The following ASIC2 variants were observed in gnomAD, a reference collection of about 807,000 sequenced individuals.
ASIC2 encodes acid-sensing ion channel 2.
In ASIC2, 25 loss-of-function variants were observed where a neutral mutation model predicts 57.3. The observed-to-expected ratio is 0.44, with a 90% CI of 0.32 to 0.61. The LOEUF is 0.61. Among genes scored for constraint, ASIC2 ranks in the 20% least tolerant of loss-of-function variants. ASIC2 has a pLI of 0.06. For synonymous variants in ASIC2, 319 were observed against 307.5 expected, an observed-to-expected ratio of 1.04 and a Z score of -0.39; for missense variants, 641 against 738.1, an observed-to-expected ratio of 0.87 and a Z score of 1.52.
At chr17:33,953,868 A>G (rs1045523625) in intron 1 of ASIC2, among the ~76,000 whole-genome samples, 2 of 152,182 alleles carry the variant, frequency 1.3e-5, no homozygotes, top group African/African-American at 2.4e-5. Context: ...AATAGAAACT[A>G]TAGATTAAGA....
rs558452838 is a variant in ASIC2, at chr17:33,352,084, C to T, written c.556-240017G>A. ...GTCTTCATCTCTTTGCTTCCTACTC[C>T]CTGGGTTAGCACCTCCACTCCCACA... On this transcript the variant is annotated intron_variant, in intron 1 of 9. Transcript: ENST00000359872. Among the ~76,000 whole-genome samples, 41 of 152,186 alleles carry T rather than the reference C, an allele frequency of 2.7e-4. No homozygotes were observed. In the South Asian group the frequency reaches 2.7e-3, roughly 10 times the overall value.
chr17:33,595,639 T>A (rs1195329240), intron 1 of ASIC2, among the ~76,000 whole-genome samples: 1 of 152,246 alleles, frequency 6.6e-6, no homozygotes, highest in Non-Finnish European at 1.5e-5. Context: ...GTTTAAATCT[T>A]TATTTTATGA....
intron 1 of ASIC2, among the ~76,000 whole-genome samples, chr17:33,544,730 T>G (rs1252062181): frequency 6.6e-6 from 1 of 152,182 alleles, no homozygotes; most frequent in African/African-American, 2.4e-5. Flanking sequence ...TTTTGCATAC[T>G]TATTAAAATA....
intron 1 of ASIC2, among the ~76,000 whole-genome samples, chr17:33,865,150 G>A (rs1222869667): frequency 6.6e-6 from 1 of 152,200 alleles, no homozygotes; most frequent in Admixed American, 6.5e-5. Context: ...GACCTGGGGT[G>A]ATCCATTAGG....
At chr17:34,033,121 A>T (rs1180505733) in intron 1 of ASIC2, among the ~76,000 whole-genome samples, 4 of 152,110 alleles carry the variant, frequency 2.6e-5, no homozygotes, top group African/African-American at 7.2e-5. Flanking sequence ...GAAGTAAAGC[A>T]CTCCTCAGCA....
intron 1 of ASIC2, among the ~76,000 whole-genome samples, chr17:33,733,311 T>C (rs1052132357): frequency 6.6e-6 from 1 of 152,162 alleles, no homozygotes; most frequent in African/African-American, 2.4e-5. Context: ...TTTGCACGGG[T>C]TCCTAATGGT....
chr17:33,657,995 CT>C (rs1907130011), intron 1 of ASIC2, among the ~76,000 whole-genome samples: 1 of 152,196 alleles, frequency 6.6e-6, no homozygotes, highest in Non-Finnish European at 1.5e-5. Flanking sequence ...CACATGCCCT[CT>C]GCCTACTACA....
chr17:34,032,249 A>T (rs1404229922), intron 1 of ASIC2, among the ~76,000 whole-genome samples: 2 of 152,320 alleles, frequency 1.3e-5, no homozygotes, highest in Admixed American at 1.3e-4. Flanking sequence ...AGAATTTCAT[A>T]TCCAGCCAAA....
intron 1 of ASIC2, among the ~76,000 whole-genome samples, chr17:33,677,589 G>C (rs980813781): frequency 5.9e-5 from 9 of 152,158 alleles, no homozygotes; most frequent in African/African-American, 1.7e-4. Context: ...ACTTTAGTGG[G>C]AGTTTGAAAG....
intron 1 of ASIC2, among the ~76,000 whole-genome samples, chr17:33,810,540 T>C (rs1364377173): frequency 6.6e-6 from 1 of 152,104 alleles, no homozygotes; most frequent in Non-Finnish European, 1.5e-5. Flanking sequence ...ATCTCCCTTC[T>C]CTCCAAAGGT....
chr17:33,857,253 G>A (rs545433856), intron 1 of ASIC2, among the ~76,000 whole-genome samples: 16 of 152,216 alleles, frequency 1.1e-4, no homozygotes, highest in African/African-American at 3.4e-4. Flanking sequence ...AAACCCCAAA[G>A]GTCAAAATTC....
At chr17:33,470,835 G>T (rs1374651179) in intron 1 of ASIC2, among the ~76,000 whole-genome samples, 1 of 151,624 alleles carries the variant, frequency 6.6e-6, no homozygotes, top group Non-Finnish European at 1.5e-5. Flanking sequence ...CTCTGTACTT[G>T]CTTCCACCTG....
chr17:33,848,583 T>C (rs1913678081), intron 1 of ASIC2, among the ~76,000 whole-genome samples: 1 of 152,202 alleles, frequency 6.6e-6, no homozygotes, highest in African/African-American at 2.4e-5. Flanking sequence ...TATACAACAT[T>C]CTGCAGAGTT....
chr17:33,320,142 G>A (rs1483391536), intron 1 of ASIC2, among the ~76,000 whole-genome samples: 6 of 152,260 alleles, frequency 3.9e-5, no homozygotes, highest in African/African-American at 7.2e-5. Context: ...CCAGCCCTGC[G>A]TGTGAGAAAA....
At chr17:33,257,437 GT>G (rs922064287) in intron 1 of ASIC2, among the ~76,000 whole-genome samples, 12 of 152,216 alleles carry the variant, frequency 7.9e-5, no homozygotes, top group Admixed American at 1.3e-4. Context: ...TGAGAGGAGG[GT>G]TGTTATTTCA....
intron 1 of ASIC2, among the ~76,000 whole-genome samples, chr17:33,164,203 G>T (rs574523973): frequency 6.6e-6 from 1 of 152,296 alleles, no homozygotes; most frequent in South Asian, 2.1e-4. Context: ...GGTGCGTCTG[G>T]TCAATGGATC....
chr17:33,382,519 A>G (rs1256001605), intron 1 of ASIC2, among the ~76,000 whole-genome samples: 1 of 152,182 alleles, frequency 6.6e-6, no homozygotes, highest in Non-Finnish European at 1.5e-5. Context: ...ATGAAGCTTC[A>G]GCCCCATACT....
chr17:33,851,352 G>A (rs918482860), intron 1 of ASIC2, among the ~76,000 whole-genome samples: 1 of 152,054 alleles, frequency 6.6e-6, no homozygotes, highest in Non-Finnish European at 1.5e-5. Flanking sequence ...GAGGCTGGGG[G>A]CAATGATGGG....
intron 1 of ASIC2, among the ~76,000 whole-genome samples, chr17:33,825,010 G>GTC (rs1324554737): frequency 6.6e-6 from 1 of 152,224 alleles, no homozygotes; most frequent in Non-Finnish European, 1.5e-5. Flanking sequence ...ACATGTGCAC[G>GTC]TCTCTCTCCC....
Sources: allele counts gnomAD v4.1 joint callset (sites outside exome capture counted in the v4.1 genomes callset), GRCh38; gene constraint gnomAD v4.1.1; transcripts MANE v1.5; gene names NCBI Gene and HGNC (gene_info 2026-07-23, HGNC 2026-07-21).